CACNA1S: variants seen among roughly 807,000 people sequenced by gnomAD.
The protein encoded by CACNA1S is calcium voltage-gated channel subunit alpha1 S.
A neutral mutation model predicts 207.4 loss-of-function variants in CACNA1S; 126 were observed. That is an observed-to-expected ratio of 0.61 (90% CI 0.53 to 0.70). CACNA1S has a LOEUF of 0.70. Among genes scored for constraint, CACNA1S ranks in the 30% least tolerant of loss-of-function variants. CACNA1S has a pLI of 0.00. For synonymous variants in CACNA1S, 960 were observed against 932.7 expected (o/e 1.03, Z -0.53); for missense variants, 2,349 against 2,422.8 (o/e 0.97, Z 0.64).
chr1:201,075,390 G>C (rs919287614), intron 13 of CACNA1S, 105 bp downstream of exon 13: 3 of 1,435,652 alleles, frequency 2.1e-6, no homozygotes, highest in Non-Finnish European at 9.7e-7. Flanking sequence ...CCTCCAGCCA[G>C]AGGGCCTGGC....
rs142252539 is a variant in CACNA1S at position 201,081,097 on chromosome 1, G to C, written c.1393+2065C>G. 1.9e-3 allele frequency among the ~76,000 whole-genome samples: 287 copies of C among 152,254 alleles called. 2 individuals are homozygous for C. Among genetic ancestry groups the C allele is most frequent in the African/African-American group, 6.2e-3 (257 of 41,542 alleles). The stretch of plus-strand genomic sequence containing the variant: ...AGTGAGATTTTGGCTTCCCTTCCAT[G>C]GGGGCAGACTTTCCAGGGCCCTGGC... On this transcript the variant is annotated intron_variant, in intron 10 of 43. Transcript: ENST00000362061.
chr1:201,104,281 A>T (rs1558087699), intron 2 of CACNA1S, among the ~76,000 whole-genome samples: 1 of 152,116 alleles, frequency 6.6e-6, no homozygotes, highest in Non-Finnish European at 1.5e-5. Flanking sequence ...CTAGTAGGAC[A>T]CATCTCCGCC....
At chr1:201,111,217 C>T (rs940620929) in intron 1 of CACNA1S, among the ~76,000 whole-genome samples, 1 of 152,060 alleles carries the variant, frequency 6.6e-6, no homozygotes, top group African/African-American at 2.4e-5. Context: ...GACCCTGACC[C>T]CAAACTATCT....
chr1:201,059,830 AC>A (rs1460472398), intron 26 of CACNA1S, among the ~76,000 whole-genome samples: 2 of 152,232 alleles, frequency 1.3e-5, no homozygotes, highest in Non-Finnish European at 2.9e-5. Context: ...CCTGTCACCT[AC>A]CACTATGACC....
rs776457202 is a variant in CACNA1S at position 201,050,409 on chromosome 1, T to C, written c.4221A>G (p.Ala1407=). The part of the protein sequence containing the change: ...HHLDEFKAIW[A]EYDPEAKGRI... ...CTCACTTAGCCTCTGGGTCATACTC[T>C]GCCCAGATGGCCTTGAACTCATCCA... Residue 1407 remains alanine (A), a synonymous_variant, in exon 34 of 44, where the codon GCA becomes GCG. Transcript: ENST00000362061. 1 of 1,614,150 alleles carries C rather than the reference T, an allele frequency of 6.2e-7. No homozygotes were observed. Among genetic ancestry groups the C allele is most frequent in the East Asian group, 2.2e-5 (1 of 44,880 alleles).
chr1:201,105,292 C>T (rs1662836393), intron 2 of CACNA1S, among the ~76,000 whole-genome samples: 1 of 152,192 alleles, frequency 6.6e-6, no homozygotes, highest in South Asian at 2.1e-4. Context: ...GCTGGTGAGC[C>T]TGCTCTGTGG....
rs566712060 is a variant in CACNA1S, at chr1:201,095,177, T to C, written c.259-1156A>G. Among the ~76,000 whole-genome samples the C allele has an allele frequency of 4.6e-5, 7 of 150,720 alleles. No individual in the cohort carries two copies. In the South Asian group the frequency reaches 8.3e-4, roughly 18 times the overall value. ...ATATACATATATATATATACACACATACATATGTACGTGTGTATATATATA... is the reference window on the plus strand; with the variant it reads ...ATATACATATATATATATACACACACACATATGTACGTGTGTATATATATA... On this transcript the variant is annotated intron_variant, in intron 2 of 43. Coordinates refer to ENST00000362061, the MANE Select transcript of CACNA1S (RefSeq NM_000069.3).
chr1:201,101,485 C>A (rs572296480), intron 2 of CACNA1S, among the ~76,000 whole-genome samples: 15 of 152,358 alleles, frequency 9.8e-5, no homozygotes, highest in African/African-American at 3.6e-4. Flanking sequence ...AAACGTTTAG[C>A]AACTTTGACA....
intron 2 of CACNA1S, among the ~76,000 whole-genome samples, chr1:201,107,841 G>T (rs1195761522): frequency 6.6e-6 from 1 of 152,168 alleles, no homozygotes; most frequent in African/African-American, 2.4e-5. Flanking sequence ...CACAATTAAG[G>T]GGTCAGGTTA....
chr1:201,084,454 A>G lies in CACNA1S; in HGVS notation c.1232+496T>C, dbSNP rs112205589. Among the ~76,000 whole-genome samples, 397 of 152,330 alleles carry G rather than the reference A, an allele frequency of 2.6e-3. 2 individuals are homozygous for G. Among genetic ancestry groups the G allele is most frequent in the Non-Finnish European group, 4.5e-3 (309 of 68,024 alleles). ...GTTTGATCTTTCAAAATCATAATTA[A>G]GTATGAATTTGTAAAAGGAAACAGC... On this transcript the variant is annotated intron_variant, in intron 9 of 43. Transcript: ENST00000362061.
At chr1:201,078,731 C>T (rs1485640311) in intron 10 of CACNA1S, among the ~76,000 whole-genome samples, 1 of 152,060 alleles carries the variant, frequency 6.6e-6, no homozygotes, top group East Asian at 1.9e-4. Context: ...CGCTTTGCCC[C>T]CTCCCCCTTT....
intron 2 of CACNA1S, among the ~76,000 whole-genome samples, chr1:201,099,348 G>T (rs953058135): frequency 8.5e-5 from 13 of 152,212 alleles, no homozygotes; most frequent in African/African-American, 3.1e-4. Flanking sequence ...AGAGCTCACT[G>T]AAAGGACCTT....
At position 201,076,968 on chromosome 1, in the gene CACNA1S, C is replaced by T. The variant is rs1661645208; in HGVS notation, c.1779G>A (p.Arg593=). The T allele has an allele frequency of 3.1e-6, 5 of 1,614,112 alleles. No homozygotes were observed. Among genetic ancestry groups the T allele is most frequent in the East Asian group, 2.2e-5 (1 of 44,896 alleles). Residue 593 remains arginine (R), a synonymous_variant, in exon 12 of 44, where the codon CGG becomes CGA. Coordinates refer to ENST00000362061, the MANE Select transcript of CACNA1S (RefSeq NM_000069.3). ...GRYDFEDTEV[R]RSNFDNFPQA... ...GGGGAAAGTTGTCAAAGTTGCTGCG[C>T]CGTACTTCTGTGTCTTCAAAGTCAT...
chr1:201,050,850 C>A (rs932239713), intron 33 of CACNA1S, 134 bp downstream of exon 33: 1 of 987,552 alleles, frequency 1.0e-6, no homozygotes, highest in Non-Finnish European at 1.6e-6. Context: ...GGGGGACAAC[C>A]TAACTAGAGC....
At chr1:201,082,248 C>T (rs1252786749) in intron 10 of CACNA1S, among the ~76,000 whole-genome samples, 4 of 152,006 alleles carry the variant, frequency 2.6e-5, no homozygotes, top group East Asian at 3.9e-4. Flanking sequence ...AGGATGGTCT[C>T]GATCTCTTGA....
intron 28 of CACNA1S, among the ~76,000 whole-genome samples, chr1:201,055,264 C>T (rs752027844): frequency 1.5e-4 from 23 of 152,222 alleles, no homozygotes; most frequent in Non-Finnish European, 1.3e-4. Flanking sequence ...TGATCCCTGG[C>T]ATACTGGTCT....
intron 40 of CACNA1S, 123 bp downstream of exon 40, chr1:201,043,158 G>A: frequency 3.1e-6 from 4 of 1,291,478 alleles, no homozygotes; most frequent in Non-Finnish European, 2.2e-6. Context: ...GATGGATTGG[G>A]GCACAAAGGC....
At position 201,039,584 on chromosome 1, in the gene CACNA1S, C is replaced by T. The variant is rs1162747499; in HGVS notation, c.*247G>A. On this transcript the variant is annotated 3_prime_UTR_variant, in exon 44 of 44. Coordinates refer to ENST00000362061, the MANE Select transcript of CACNA1S (RefSeq NM_000069.3). ...TGGCCCTAGGCCAGACAGGCACTGACCAGGCCTTTTTGAATGACATTAGAA... is the reference window on the plus strand; with the variant it reads ...TGGCCCTAGGCCAGACAGGCACTGATCAGGCCTTTTTGAATGACATTAGAA... The T allele has an allele frequency of 1.5e-5, 9 of 590,884 alleles. No individual in the cohort carries two copies. Among genetic ancestry groups the T allele is most frequent in the Non-Finnish European group, 2.7e-5 (9 of 331,840 alleles). The allele number at this position is 590,884 out of a possible 1,614,324, so 36.6% of individuals were successfully genotyped here.
chr1:201,059,378 C>A, intron 26 of CACNA1S, 79 bp from the exon 27 acceptor site: 2 of 868,652 alleles, frequency 2.3e-6, no homozygotes, highest in Non-Finnish European at 3.8e-6. Context: ...AGAGCCCCTG[C>A]CTCTTCCTGG....
Sources: allele counts gnomAD v4.1 joint callset (sites outside exome capture counted in the v4.1 genomes callset), GRCh38; gene constraint gnomAD v4.1.1; transcripts MANE v1.5; gene names NCBI Gene and HGNC (gene_info 2026-07-23, HGNC 2026-07-21).